RASSF4: variants seen among roughly 807,000 people sequenced by gnomAD.
The protein encoded by RASSF4 is ras association domain-containing protein 4.
RASSF4 carries 38 observed loss-of-function variants against 41.1 expected under a neutral mutation model. That is an observed-to-expected ratio of 0.92 (90% CI 0.71 to 1.21). RASSF4 has a LOEUF of 1.21. RASSF4 is among the 50% of genes most tolerant of loss of function. The pLI is 0.00. For synonymous variants in RASSF4, 179 were observed against 163.4 expected, an observed-to-expected ratio of 1.10 and a Z score of -0.73; for missense variants, 414 against 419.4, an observed-to-expected ratio of 0.99 and a Z score of 0.11.
At chr10:44,979,216 G>T (rs1375573637) in intron 3 of RASSF4, among the ~76,000 whole-genome samples, 1 of 152,244 alleles carries the variant, frequency 6.6e-6, no homozygotes, top group Non-Finnish European at 1.5e-5. Context: ...GGAGGCAGCT[G>T]AGGCTGGGTC....
At chr10:44,973,101 C>T (rs1841249946) in intron 3 of RASSF4, among the ~76,000 whole-genome samples, 1 of 152,202 alleles carries the variant, frequency 6.6e-6, no homozygotes, top group Non-Finnish European at 1.5e-5. Context: ...ACAAACCTCA[C>T]ACTCTGCCTC....
intron 3 of RASSF4, among the ~76,000 whole-genome samples, chr10:44,973,720 T>C (rs1025321192): frequency 1.3e-5 from 2 of 152,186 alleles, no homozygotes; most frequent in Non-Finnish European, 2.9e-5. Flanking sequence ...ATCCCCTCTG[T>C]AGGAACAGTT....
intron 1 of RASSF4, among the ~76,000 whole-genome samples, chr10:44,961,594 C>T (rs1361092540): frequency 6.6e-6 from 1 of 152,244 alleles, no homozygotes; most frequent in African/African-American, 2.4e-5. Context: ...TCTCCAGAGC[C>T]CCCAACTCCC....
intron 3 of RASSF4, among the ~76,000 whole-genome samples, chr10:44,974,809 G>A (rs551636104): frequency 3.8e-4 from 58 of 152,368 alleles, no homozygotes; most frequent in South Asian, 1.4e-3. Flanking sequence ...CGAGGGGCTA[G>A]AGGAGGGACG....
In RASSF4 at chr10:44,993,300, C is replaced by T. The variant is rs369965316; in HGVS notation, c.937C>T (p.Arg313Cys). The T allele has an allele frequency of 2.2e-5, 35 of 1,607,794 alleles. No individual in the cohort carries two copies. The highest frequency in any genetic ancestry group is 1.6e-4 in the East Asian group (7 of 44,866). Residue 313 changes from arginine (R) to cysteine (C), a missense_variant, in exon 11 of 11, where the codon CGC becomes TGC. Arg to Cys is a radical substitution (Grantham distance 180). Coordinates refer to ENST00000340258, the MANE Select transcript of RASSF4 (RefSeq NM_032023.4). ...FQALRLTMLQ[R>C]LEQLVEAK ...AGCCCTGCGTCTGACGATGCTGCAG[C>T]GCCTGGAGCAGCTGGTGGAGGCCAA...
chr10:44,962,012 G>A (rs1588778311), intron 1 of RASSF4, among the ~76,000 whole-genome samples: 2 of 152,288 alleles, frequency 1.3e-5, no homozygotes, highest in Non-Finnish European at 1.5e-5. Flanking sequence ...TACTGTTGAG[G>A]AAGAGGCCCG....
chr10:44,966,721 ATGAGCGTATAG>A (rs1156337537), intron 1 of RASSF4, among the ~76,000 whole-genome samples: 2 of 152,174 alleles, frequency 1.3e-5, no homozygotes, highest in African/African-American at 4.8e-5. Context: ...TGCCTGGTTA[ATGAGCGTATAG>A]TGAGGTCCTA....
At chr10:44,979,026 C>G (rs1346535491) in intron 3 of RASSF4, among the ~76,000 whole-genome samples, 1 of 152,110 alleles carries the variant, frequency 6.6e-6, no homozygotes, top group Non-Finnish European at 1.5e-5. Context: ...CACTGCTGGT[C>G]AAGTAGGGGC....
At chr10:44,983,262 C>T (rs1841789773) in intron 4 of RASSF4, 1 of 270,018 alleles carries the variant, frequency 3.7e-6, no homozygotes, top group Admixed American at 4.8e-5. Flanking sequence ...ACATTCAGAG[C>T]TTTGCCCCCT....
chr10:44,966,976 GT>G lies in RASSF4; in HGVS notation c.-38-3186del, dbSNP rs1410294240. Among the ~76,000 whole-genome samples the G allele has an allele frequency of 1.3e-5, 2 of 152,122 alleles. 1 individual carries two copies. The highest frequency in any genetic ancestry group is 2.9e-5 in the Non-Finnish European group (2 of 68,028). On this transcript the variant is annotated intron_variant, in intron 1 of 10. Coordinates refer to ENST00000340258, the MANE Select transcript of RASSF4 (RefSeq NM_032023.4). ...TGTATCTGTCTTGCAAAGATGTTTA[GT>G]TTATTTATAAACATATTTAAATACA...
intron 3 of RASSF4, among the ~76,000 whole-genome samples, chr10:44,980,570 C>T (rs1418376240): frequency 6.6e-6 from 1 of 152,170 alleles, no homozygotes; most frequent in Non-Finnish European, 1.5e-5. Flanking sequence ...CCAGGCAGGT[C>T]CTGAGGTCAG....
intron 6 of RASSF4, among the ~76,000 whole-genome samples, chr10:44,986,624 A>G (rs966929502): frequency 6.6e-6 from 1 of 152,248 alleles, no homozygotes; most frequent in Non-Finnish European, 1.5e-5. Context: ...CCTCCTGGGT[A>G]AGGGAAGTCC....
chr10:44,963,266 C>T (rs1252153479), intron 1 of RASSF4, among the ~76,000 whole-genome samples: 1 of 152,048 alleles, frequency 6.6e-6, no homozygotes, highest in Non-Finnish European at 1.5e-5. Context: ...GAGGGGACAG[C>T]AGTGTGGAAG....
chr10:44,971,606 G>T (rs770885939), intron 2 of RASSF4, 167 bp from the exon 3 acceptor site: 7 of 713,212 alleles, frequency 9.8e-6, no homozygotes, highest in Non-Finnish European at 1.8e-5. Flanking sequence ...AGAACCATCC[G>T]GGTGCATTGC....
At chr10:44,978,007 G>A (rs139795324) in intron 3 of RASSF4, 44 of 1,611,078 alleles carry the variant, frequency 2.7e-5, no homozygotes, top group East Asian at 1.6e-4. Context: ...GATGGGCCAC[G>A]GAGAGCAGAA....
At chr10:44,974,989 G>T (rs1242711146) in intron 3 of RASSF4, among the ~76,000 whole-genome samples, 1 of 152,190 alleles carries the variant, frequency 6.6e-6, no homozygotes, top group Non-Finnish European at 1.5e-5. Flanking sequence ...AAAAAGGACC[G>T]CCCGGAAATG....
At chr10:44,977,770 T>A (rs1166744305) in intron 3 of RASSF4, 3 of 1,600,910 alleles carry the variant, frequency 1.9e-6, no homozygotes, top group Non-Finnish European at 2.6e-6. Context: ...CACTGAAACG[T>A]GCGGTGATGT....
chr10:44,990,683 G>A (rs1363608807), intron 8 of RASSF4: 1 of 306,336 alleles, frequency 3.3e-6, no homozygotes, highest in Non-Finnish European at 6.1e-6. Context: ...GCAAATAGGG[G>A]AGGGCAAAGA....
rs565272409 is a variant in RASSF4, at chr10:44,964,228, GAC to G, written c.-39+4364_-39+4365del. Among the ~76,000 whole-genome samples the G allele has an allele frequency of 8.5e-5, 13 of 152,366 alleles. No individual in the cohort carries two copies. In the South Asian group the frequency reaches 2.7e-3, roughly 32 times the overall value. ...GAACAACTCACTGCTTGTTCACTGG[GAC>G]AGGTAGCCATGGCTGGCATGCCGCC... On this transcript the variant is annotated intron_variant, in intron 1 of 10. Transcript: ENST00000340258.
Sources: allele counts gnomAD v4.1 joint callset (sites outside exome capture counted in the v4.1 genomes callset), GRCh38; gene constraint gnomAD v4.1.1; transcripts MANE v1.5; gene names NCBI Gene and HGNC (gene_info 2026-07-23, HGNC 2026-07-21).